USH2A: variants seen among roughly 807,000 people sequenced by gnomAD.
USH2A encodes the protein Usher syndrome 2A (autosomal recessive, mild).
A neutral mutation model predicts 538.9 loss-of-function variants in USH2A; 443 were observed. The ratio of observed to expected loss-of-function variants is 0.82; its 90% CI spans 0.76 to 0.89. The LOEUF is 0.89. USH2A is among the 40% of genes least tolerant of loss of function. USH2A has a pLI of 0.00. For missense variants in USH2A, 6,633 were observed against 6,324.8 expected (o/e 1.05, Z -1.65); for synonymous variants, 2,413 against 2,273.5 (o/e 1.06, Z -1.75).
chr1:215,832,571 G>A (rs905914619), intron 47 of USH2A, among the ~76,000 whole-genome samples: 2 of 151,866 alleles, frequency 1.3e-5, no homozygotes, highest in African/African-American at 2.4e-5. Flanking sequence ...AATGAAAATT[G>A]TCAGCAAATT....
At chr1:216,277,026 T>A (rs891857617) in intron 11 of USH2A, among the ~76,000 whole-genome samples, 5 of 152,300 alleles carry the variant, frequency 3.3e-5, no homozygotes, top group African/African-American at 1.2e-4. Context: ...TATCTATCTA[T>A]ATCTACCTAC....
At chr1:215,880,174 C>T (rs972369649) in intron 41 of USH2A, among the ~76,000 whole-genome samples, 4 of 152,066 alleles carry the variant, frequency 2.6e-5, no homozygotes, top group Non-Finnish European at 4.4e-5. Context: ...TACATTTGTA[C>T]CCCTATGCAA....
chr1:216,243,904 T>G (rs933390855), intron 13 of USH2A, among the ~76,000 whole-genome samples: 1 of 152,206 alleles, frequency 6.6e-6, no homozygotes, highest in Non-Finnish European at 1.5e-5. Flanking sequence ...TATGGGGTAA[T>G]TACAATGAGA....
chr1:215,983,372 T>C (rs1241217838), intron 35 of USH2A, among the ~76,000 whole-genome samples: 1 of 152,156 alleles, frequency 6.6e-6, no homozygotes, highest in East Asian at 1.9e-4. Context: ...TAACAATAAG[T>C]GAAAAGCTTT....
intron 69 of USH2A, among the ~76,000 whole-genome samples, chr1:215,636,850 C>A (rs910615903): frequency 4.6e-5 from 7 of 152,094 alleles, no homozygotes; most frequent in African/African-American, 1.7e-4. Context: ...TCTGCCAGAG[C>A]ATTGCACAAT....
chr1:216,149,253 C>T (rs2033782987), intron 21 of USH2A, among the ~76,000 whole-genome samples: 1 of 152,176 alleles, frequency 6.6e-6, no homozygotes, highest in Non-Finnish European at 1.5e-5. Flanking sequence ...GCCTTTCCTA[C>T]CGGGTCTGAG....
intron 40 of USH2A, 62 bp downstream of exon 40, chr1:215,900,013 T>C: frequency 1.2e-6 from 2 of 1,609,346 alleles, no homozygotes; most frequent in Non-Finnish European, 1.7e-6. Context: ...TGGAAAAAAT[T>C]GAAGACATTT....
chr1:215,946,518 G>A (rs531231205), intron 37 of USH2A, among the ~76,000 whole-genome samples: 10 of 152,116 alleles, frequency 6.6e-5, no homozygotes, highest in African/African-American at 9.7e-5. Flanking sequence ...CCAACCAGCC[G>A]AGCAGCTGAT....
At chr1:216,082,377 A>T (rs976081195) in intron 26 of USH2A, among the ~76,000 whole-genome samples, 99 of 151,430 alleles carry the variant, frequency 6.5e-4, no homozygotes, top group African/African-American at 2.3e-3. Flanking sequence ...ATATTTAAAA[A>T]AGCAGAAATT....
chr1:215,691,982 G>A (rs548172735), intron 61 of USH2A, among the ~76,000 whole-genome samples: 6 of 152,124 alleles, frequency 3.9e-5, no homozygotes, highest in Non-Finnish European at 5.9e-5. Flanking sequence ...GACAGCAGCC[G>A]AAAGGAAATC....
Position 215,743,264 on chromosome 1 carries a change from A to C in USH2A, c.11461T>G (p.Phe3821Val). The change falls in exon 59 of 72, where the codon TTC becomes GTC. Residue 3821 changes from phenylalanine to valine, a missense_variant. Physicochemically the swap from Phe to Val is conservative, Grantham distance 50. Coordinates refer to ENST00000307340, the MANE Select transcript of USH2A (RefSeq NM_206933.4). ...LNDGSVTPLAFSVGHHQSTLL... is the reference protein window; with the variant it reads ...LNDGSVTPLAVSVGHHQSTLL... ...GTGGATTGATGATGACCAACGGAGA[A>C]GGCCAGAGGTGTTACACTTCCATCA... 6.2e-7 allele frequency: 1 copy of C among 1,611,968 alleles called. No homozygotes were observed. Among genetic ancestry groups the C allele is most frequent in the East Asian group, 2.2e-5 (1 of 44,734 alleles).
At chr1:215,809,135 C>T (rs553146740) in intron 49 of USH2A, among the ~76,000 whole-genome samples, 1 of 152,254 alleles carries the variant, frequency 6.6e-6, no homozygotes, top group Admixed American at 6.5e-5. Context: ...TTGTTATCTT[C>T]CCCTGGGTAA....
intron 4 of USH2A, among the ~76,000 whole-genome samples, chr1:216,338,484 T>C (rs1056575168): frequency 1.3e-5 from 2 of 151,442 alleles, no homozygotes; most frequent in Non-Finnish European, 3.0e-5. Context: ...GAAGGCAATA[T>C]ATATCATGAT....
At chr1:215,841,269 G>A (rs1663669197) in intron 46 of USH2A, among the ~76,000 whole-genome samples, 2 of 152,102 alleles carry the variant, frequency 1.3e-5, no homozygotes, top group African/African-American at 4.8e-5. Flanking sequence ...AAAGGTGGAG[G>A]CATCACACTA....
chr1:216,249,640 A>G (rs2102549755), intron 12 of USH2A, among the ~76,000 whole-genome samples: 1 of 152,270 alleles, frequency 6.6e-6, no homozygotes, highest in South Asian at 2.1e-4. Flanking sequence ...AAATTATGGT[A>G]CAGATTTTCA....
chr1:215,740,273 G>A (rs1024143755), intron 60 of USH2A, among the ~76,000 whole-genome samples: 4 of 151,786 alleles, frequency 2.6e-5, no homozygotes, highest in African/African-American at 9.7e-5. Flanking sequence ...TTAAAGCAAT[G>A]TTCATGTTGA....
chr1:215,677,747 C>T (rs888337013), intron 62 of USH2A, among the ~76,000 whole-genome samples: 1 of 152,200 alleles, frequency 6.6e-6, no homozygotes, highest in Non-Finnish European at 1.5e-5. Flanking sequence ...ACATTTATGC[C>T]TCAGGGCTTG....
intron 3 of USH2A, among the ~76,000 whole-genome samples, chr1:216,399,357 A>C (rs963802986): frequency 3.3e-5 from 5 of 151,720 alleles, no homozygotes; most frequent in Non-Finnish European, 7.4e-5. Context: ...TTCCCACCCC[A>C]CCCTCACTAA....
intron 67 of USH2A, among the ~76,000 whole-genome samples, chr1:215,640,981 C>A (rs925218335): frequency 2.0e-5 from 3 of 151,818 alleles, no homozygotes; most frequent in Non-Finnish European, 4.4e-5. Context: ...CAACTTTATG[C>A]CTGCTTTAAA....
Sources: allele counts gnomAD v4.1 joint callset (sites outside exome capture counted in the v4.1 genomes callset), GRCh38; gene constraint gnomAD v4.1.1; transcripts MANE v1.5; gene names NCBI Gene and HGNC (gene_info 2026-07-23, HGNC 2026-07-21).